NCOA6: variants seen among roughly 807,000 people sequenced by gnomAD.
NCOA6 encodes NRC RAP250.
A neutral mutation model predicts 171.4 loss-of-function variants in NCOA6; 49 were observed. That is an observed-to-expected ratio of 0.29 (90% CI 0.23 to 0.36). NCOA6 has a LOEUF of 0.36. Among genes scored for constraint, NCOA6 ranks in the 10% least tolerant of loss-of-function variants. The pLI is 1.00. For missense variants in NCOA6, 2,248 were observed against 2,554.5 expected, an observed-to-expected ratio of 0.88 and a Z score of 2.59; for synonymous variants, 910 against 927.5, an observed-to-expected ratio of 0.98 and a Z score of 0.34.
intron 9 of NCOA6, among the ~76,000 whole-genome samples, chr20:34,748,998 C>T (rs996236651): frequency 1.3e-5 from 2 of 152,096 alleles, no homozygotes; most frequent in African/African-American, 4.8e-5. Context: ...AAGAGATATA[C>T]CAGCCAATTG....
chr20:34,788,720 C>A (rs1343882377), intron 2 of NCOA6, among the ~76,000 whole-genome samples: 1 of 152,074 alleles, frequency 6.6e-6, no homozygotes, highest in Non-Finnish European at 1.5e-5. Flanking sequence ...CCGAAGCAGG[C>A]GGATCACCTG....
intron 10 of NCOA6, among the ~76,000 whole-genome samples, chr20:34,743,733 C>G (rs966754742): frequency 7.2e-5 from 11 of 152,170 alleles, no homozygotes; most frequent in Non-Finnish European, 1.3e-4. Flanking sequence ...CTCATGTAGT[C>G]ATAATCAATA....
chr20:34,775,036 TGAACTAGG>T (rs532773602), intron 4 of NCOA6, among the ~76,000 whole-genome samples: 65 of 152,188 alleles, frequency 4.3e-4, no homozygotes, highest in South Asian at 2.9e-3. Context: ...TGAGCAGGCA[TGAACTAGG>T]GGAAGGGGGT....
intron 11 of NCOA6, among the ~76,000 whole-genome samples, chr20:34,738,740 C>G (rs1370887569): frequency 6.6e-6 from 1 of 152,206 alleles, no homozygotes; most frequent in Non-Finnish European, 1.5e-5. Flanking sequence ...ATCCTAAATT[C>G]TGGGAGGTAG....
intron 4 of NCOA6, among the ~76,000 whole-genome samples, chr20:34,775,301 T>C (rs948204317): frequency 5.3e-5 from 8 of 149,800 alleles, no homozygotes; most frequent in Non-Finnish European, 5.9e-5. Flanking sequence ...GTTATAGGGG[T>C]GTAGGTGTGT....
At chr20:34,775,672 C>CA (rs570763953) in intron 4 of NCOA6, among the ~76,000 whole-genome samples, 37 of 77,532 alleles carry the variant, frequency 4.8e-4, no homozygotes, top group East Asian at 1.0e-3. Context: ...GACTCTGTCT[C>CA]AAAAAAAAAA....
intron 1 of NCOA6, among the ~76,000 whole-genome samples, chr20:34,807,819 C>A (rs964976175): frequency 6.6e-5 from 10 of 150,882 alleles, no homozygotes; most frequent in African/African-American, 2.2e-4. Flanking sequence ...GCCACCGTGC[C>A]CGGCCTTTTT....
intron 2 of NCOA6, among the ~76,000 whole-genome samples, chr20:34,785,699 T>C (rs957034628): frequency 1.3e-5 from 2 of 152,042 alleles, no homozygotes; most frequent in African/African-American, 4.8e-5. Context: ...CTAAGAAACA[T>C]TTTCCAAAAG....
At chr20:34,808,907 G>C (rs1423477773) in intron 1 of NCOA6, among the ~76,000 whole-genome samples, 1 of 152,190 alleles carries the variant, frequency 6.6e-6, no homozygotes, top group Non-Finnish European at 1.5e-5. Context: ...AAATCACTGA[G>C]CTAAAGTTTT....
intron 3 of NCOA6, among the ~76,000 whole-genome samples, chr20:34,779,282 G>A (rs1433582943): frequency 2.6e-5 from 4 of 152,178 alleles, no homozygotes; most frequent in African/African-American, 9.6e-5. Flanking sequence ...AGGCCGAGGC[G>A]GGCAGATCAC....
chr20:34,749,913 T>C lies in NCOA6; in HGVS notation c.2282A>G (p.Gln761Arg). Residue 761 changes from glutamine (Q) to arginine (R), a missense_variant, in exon 9 of 15, where the codon CAG becomes CGG. This residue lies in a region of NCOA6 where 987 missense variants were observed against 1,104.7 expected (regional missense o/e 0.89). Coordinates refer to ENST00000359003, the MANE Select transcript of NCOA6 (RefSeq NM_014071.5). ...CTGGGGCAGCATCTGTCCTGACATC[T>C]GTCCCGTAAACTGCACCATATTTCC... Reference protein sequence around the residue: ...MQGNMVQFTGQMSGQMLPQQG... With the variant: ...MQGNMVQFTGRMSGQMLPQQG... 6.2e-7 allele frequency: 1 copy of C among 1,614,234 alleles called. No homozygotes were observed. Among genetic ancestry groups the C allele is most frequent in the Non-Finnish European group, 8.5e-7 (1 of 1,180,040 alleles).
rs1229524350 is a variant in NCOA6, at chr20:34,715,172, C to T, written c.*150G>A. On this transcript the variant is annotated 3_prime_UTR_variant, in exon 15 of 15. Coordinates refer to ENST00000359003, the MANE Select transcript of NCOA6 (RefSeq NM_014071.5). ...CAACAGTCCTGCTTTCCCCATTGCA[C>T]TTTATGAAACAGGTTGCAGGGACTA... is the stretch of plus-strand genomic sequence containing the variant. The T allele has an allele frequency of 1.0e-5, 10 of 994,908 alleles. No homozygotes were observed. The highest frequency in any genetic ancestry group is 6.0e-6 in the Non-Finnish European group (4 of 661,934). 61.6% of individuals were successfully genotyped at this position (994,908 alleles called of 1,614,324 possible). A position where few individuals can be genotyped will look rare whatever the true frequency, so the allele number is the denominator to read the frequency against.
rs1260081385 is a variant in NCOA6, at chr20:34,776,436, A to G, written c.248T>C (p.Leu83Pro). 6.2e-7 allele frequency: 1 copy of G among 1,614,034 alleles called. No homozygotes were observed. Among genetic ancestry groups the G allele is most frequent in the South Asian group, 1.1e-5 (1 of 91,054 alleles). Residue 83 changes from leucine (L) to proline (P), a missense_variant, in exon 4 of 15, where the codon CTA (leucine) becomes CCA (proline). Transcript: ENST00000359003. ...CCAGGGCTCCACCTTCTGTACTTTT[A>G]GCTTGCTGGACTCTTGATTGTGAAA... ...PNLLHMESSK[L>P]KVQKVEPWNS... is the part of the protein sequence containing the mutation.
chr20:34,808,336 T>G (rs895912990), intron 1 of NCOA6, among the ~76,000 whole-genome samples: 32 of 151,844 alleles, frequency 2.1e-4, no homozygotes, highest in African/African-American at 7.8e-4. Context: ...TTCCCTCTAT[T>G]TATAAATATT....
chr20:34,816,605 G>A (rs997546579), intron 1 of NCOA6, among the ~76,000 whole-genome samples: 1 of 151,964 alleles, frequency 6.6e-6, no homozygotes, highest in African/African-American at 2.4e-5. Context: ...TTACCATGTT[G>A]GCCAGGCTGG....
intron 5 of NCOA6, among the ~76,000 whole-genome samples, chr20:34,760,516 T>C (rs1203757214): frequency 6.6e-6 from 1 of 152,224 alleles, no homozygotes; most frequent in African/African-American, 2.4e-5. Context: ...TCAAAATGAG[T>C]TGGAAAGCAT....
chr20:34,757,068 A>T, intron 7 of NCOA6, 152 bp downstream of exon 7: 3 of 752,690 alleles, frequency 4.0e-6, no homozygotes, highest in Non-Finnish European at 5.9e-6. Flanking sequence ...GTATCAAGTT[A>T]ACTTTAAGTT....
chr20:34,740,751 AAC>A lies in NCOA6; in HGVS notation c.5503_5504del (p.Val1835TyrfsTer5), dbSNP rs2076114493. 2 of 1,614,114 alleles carry A rather than the reference AAC, an allele frequency of 1.2e-6. No individual in the cohort carries two copies. The highest frequency in any genetic ancestry group is 1.7e-6 in the Non-Finnish European group (2 of 1,180,044). On this transcript the variant is annotated frameshift_variant, in exon 11 of 15. Transcript: ENST00000359003. LOFTEE classifies it high-confidence loss of function. ...QILLTKACKKVTGSLEKGEEQ... is the reference protein window; with the variant it reads ...QILLTKACKKXTGSLEKGEEQ... ...CTTCCCCTTTCTCAAGAGAGCCTGTAACTTTCTTACATGCCTTGGTCAACAAA... is the reference window on the plus strand; with the variant it reads ...CTTCCCCTTTCTCAAGAGAGCCTGTATTTCTTACATGCCTTGGTCAACAAA...
chr20:34,741,768 G>C lies in NCOA6; in HGVS notation c.4488C>G (p.Asp1496Glu), dbSNP rs1387346973. ...EAPTSLSQLLDNSGAPNVTIK... is the reference protein window; with the variant it reads ...EAPTSLSQLLENSGAPNVTIK... ...TTGTCACATTGGGAGCTCCAGAGTT[G>C]TCAAGAAGTTGACTTAACGATGTTG... Residue 1496 changes from aspartate (D) to glutamate (E), a missense_variant, in exon 11 of 15, where the codon GAC becomes GAG. Coordinates refer to ENST00000359003, the MANE Select transcript of NCOA6 (RefSeq NM_014071.5). 2 of 1,614,194 alleles carry C rather than the reference G, an allele frequency of 1.2e-6. No homozygotes were observed. The highest frequency in any genetic ancestry group is 2.2e-5 in the South Asian group (2 of 91,080).
Sources: gnomAD v4.1 joint callset for allele counts (sites outside exome capture counted in the v4.1 genomes callset) on GRCh38, gnomAD v4.1.1 for gene constraint, gnomAD v4.1.1 regional missense constraint, MANE v1.5 for transcripts, NCBI Gene and HGNC (gene_info 2026-07-23, HGNC 2026-07-21) for gene names.